Variants in DMD observed in about 807,000 individuals in gnomAD.
DMD encodes mutant dystrophin.
DMD carries 63 observed loss-of-function variants against 330.1 expected under a neutral mutation model. That is an observed-to-expected ratio of 0.19 (90% confidence interval 0.16 to 0.24). The LOEUF (loss-of-function observed/expected upper bound fraction) is 0.24, where lower values mean the gene tolerates loss of function less well. Among genes scored for constraint, DMD ranks in the 10% least tolerant of loss-of-function variants. The pLI is 1.00. For synonymous variants in DMD, 1,223 were observed against 959.8 expected (o/e 1.27, Z -5.07); for missense variants, 3,344 against 2,684.1 (o/e 1.25, Z -5.43).
At chrX:33,307,068 T>C (rs1279647134) in intron 1 of DMD, among the ~76,000 whole-genome samples, 1 of 111,629 alleles carries the variant, frequency 9.0e-6, no homozygotes, top group Non-Finnish European at 1.9e-5. Context: ...CAAGTATGTA[T>C]TGGAGCAGAG....
chrX:31,774,256 C>T, intron 50 of DMD, 64 bp from the exon 51 acceptor site: 2 of 788,027 alleles, frequency 2.5e-6, no homozygotes, highest in South Asian at 2.3e-5. Context: ...GAAACACAAG[C>T]TAAAGAGCCA....
intron 43 of DMD, among the ~76,000 whole-genome samples, chrX:32,237,633 C>T (rs1267300509): frequency 8.9e-6 from 1 of 111,853 alleles, no homozygotes; most frequent in African/African-American, 3.2e-5. Context: ...GGCATGACCA[C>T]GTGACTTCCT....
chrX:32,702,529 A>G (rs2064227271), intron 7 of DMD, among the ~76,000 whole-genome samples: 1 of 111,556 alleles, frequency 9.0e-6, no homozygotes, highest in African/African-American at 3.3e-5. Flanking sequence ...CTGAGGGATC[A>G]TCAACAGCAA....
chrX:31,472,023 T>C (rs929987045), intron 59 of DMD, among the ~76,000 whole-genome samples: 4 of 112,514 alleles, frequency 3.6e-5, no homozygotes, highest in Non-Finnish European at 5.6e-5. Context: ...GGATTAAATA[T>C]TTTTTCTTTG....
intron 60 of DMD, among the ~76,000 whole-genome samples, chrX:31,424,955 C>T (rs145709878): frequency 8.9e-6 from 1 of 112,113 alleles, no homozygotes; most frequent in East Asian, 2.8e-4. Flanking sequence ...AAAGAAAATA[C>T]ACTTTCAGGA....
intron 7 of DMD, among the ~76,000 whole-genome samples, chrX:32,721,605 C>A (rs2066321336): frequency 1.8e-5 from 2 of 110,657 alleles, no homozygotes; most frequent in South Asian, 7.5e-4. Flanking sequence ...GGATATTAAA[C>A]CCTTATCAGA....
At chrX:31,318,764 T>TGAA (rs1183628772) in intron 62 of DMD, among the ~76,000 whole-genome samples, 1 of 112,256 alleles carries the variant, frequency 8.9e-6, no homozygotes, top group Non-Finnish European at 1.9e-5. Flanking sequence ...CACTCTTCTG[T>TGAA]GAAGGGCTTC....
intron 1 of DMD, among the ~76,000 whole-genome samples, chrX:33,336,048 T>C (rs1212425679): frequency 9.0e-6 from 1 of 111,264 alleles, no homozygotes; most frequent in African/African-American, 3.3e-5. Flanking sequence ...TCTTCAGGAA[T>C]TGTCAGTTAC....
At chrX:31,722,984 T>C (rs1241561899) in intron 52 of DMD, among the ~76,000 whole-genome samples, 8 of 109,135 alleles carry the variant, frequency 7.3e-5, no homozygotes, top group Non-Finnish European at 1.5e-4. Context: ...GGAGGCGGAG[T>C]TGCAGTGAGC....
intron 7 of DMD, among the ~76,000 whole-genome samples, chrX:32,730,568 T>A (rs1051235780): frequency 8.9e-6 from 1 of 111,796 alleles, no homozygotes; most frequent in African/African-American, 3.3e-5. Context: ...TTGGAAATAG[T>A]AAGATGTTTG....
At chrX:32,658,995 G>T (rs1296286533) in intron 9 of DMD, among the ~76,000 whole-genome samples, 1 of 111,873 alleles carries the variant, frequency 8.9e-6, no homozygotes, top group African/African-American at 3.2e-5. Flanking sequence ...ACAACATACA[G>T]CGATTGTATT....
At chrX:33,063,498 C>G (rs1050340300) in intron 1 of DMD, among the ~76,000 whole-genome samples, 1 of 111,630 alleles carries the variant, frequency 9.0e-6, no homozygotes, top group Non-Finnish European at 1.9e-5. Context: ...GGGTAAGGCT[C>G]GAGTTATGAA....
At chrX:32,355,101 C>CA (rs2097794499) in intron 37 of DMD, among the ~76,000 whole-genome samples, 1 of 111,569 alleles carries the variant, frequency 9.0e-6, no homozygotes, top group African/African-American at 3.2e-5. Flanking sequence ...TTCCTTCTTC[C>CA]ATTTCTTCCT....
intron 63 of DMD, among the ~76,000 whole-genome samples, chrX:31,242,476 T>C (rs1003462011): frequency 3.6e-5 from 4 of 110,217 alleles, no homozygotes; most frequent in Non-Finnish European, 7.6e-5. Context: ...TCTCCCTAAT[T>C]ATTCTAATTA....
At chrX:32,407,369 A>G (rs1330772640) in intron 30 of DMD, among the ~76,000 whole-genome samples, 19 of 111,898 alleles carry the variant, frequency 1.7e-4, no homozygotes, top group East Asian at 1.4e-3. Context: ...AAAGACACAT[A>G]AAAAAATGCT....
At chrX:32,420,253 C>T (rs1273742442) in intron 29 of DMD, among the ~76,000 whole-genome samples, 1 of 111,548 alleles carries the variant, frequency 9.0e-6, no homozygotes, top group South Asian at 3.8e-4. Flanking sequence ...ATATTTAAGT[C>T]GCTGTCTCCT....
chrX:32,480,718 G>C (rs924357826), intron 21 of DMD, among the ~76,000 whole-genome samples: 4 of 109,347 alleles, frequency 3.7e-5, no homozygotes, highest in African/African-American at 1.4e-4. Flanking sequence ...CTTTAACTTG[G>C]CATTTAGCGA....
chrX:32,315,444 C>CTGT (rs1177387573), intron 41 of DMD, among the ~76,000 whole-genome samples: 3 of 110,121 alleles, frequency 2.7e-5, no homozygotes, highest in Non-Finnish European at 5.7e-5. Flanking sequence ...CAGCAAACCA[C>CTGT]CACGGAACAT....
intron 2 of DMD, among the ~76,000 whole-genome samples, chrX:33,009,257 T>TGTATATGTGTATATACAC (rs2093523230): frequency 2.5e-5 from 1 of 40,510 alleles, no homozygotes; most frequent in African/African-American, 8.7e-5. Context: ...CATATATGTG[T>TGTATATGTGTATATACAC]ATGTGTGTAT....
Sources: allele counts gnomAD v4.1 joint callset (sites outside exome capture counted in the v4.1 genomes callset), GRCh38; gene constraint gnomAD v4.1.1; transcripts MANE v1.5; gene names NCBI Gene and HGNC (gene_info 2026-07-23, HGNC 2026-07-21).